Variants in FRMD5 observed in about 807,000 individuals in gnomAD.
The protein encoded by FRMD5 is FERM domain containing 5.
In FRMD5, 20 loss-of-function variants were observed where a neutral mutation model predicts 69.0. The observed-to-expected ratio is 0.29, with a 90% CI of 0.20 to 0.42. FRMD5 has a LOEUF of 0.42. Among genes scored for constraint, FRMD5 ranks in the 10% least tolerant of loss-of-function variants. The pLI is 1.00. For synonymous variants in FRMD5, 271 were observed against 260.1 expected (o/e 1.04, Z -0.40); for missense variants, 595 against 708.6 (o/e 0.84, Z 1.82).
intron 1 of FRMD5, among the ~76,000 whole-genome samples, chr15:44,075,930 T>G (rs1379107488): frequency 2.6e-5 from 4 of 152,188 alleles, no homozygotes; most frequent in African/African-American, 4.8e-5. Flanking sequence ...GATGAGCATT[T>G]TTTCATGTGT....
At chr15:44,142,194 C>T (rs1465613288) in intron 1 of FRMD5, among the ~76,000 whole-genome samples, 2 of 152,168 alleles carry the variant, frequency 1.3e-5, no homozygotes, top group Non-Finnish European at 2.9e-5. Flanking sequence ...TTAATTAATA[C>T]TGATCCACTT....
intron 1 of FRMD5, among the ~76,000 whole-genome samples, chr15:44,168,061 T>A (rs1467037639): frequency 6.6e-6 from 1 of 152,222 alleles, no homozygotes; most frequent in Non-Finnish European, 1.5e-5. Context: ...CCATTACCAA[T>A]CAATCAATAA....
At chr15:44,098,824 T>C (rs1049975142) in intron 1 of FRMD5, among the ~76,000 whole-genome samples, 9 of 152,342 alleles carry the variant, frequency 5.9e-5, no homozygotes, top group Admixed American at 4.6e-4. Context: ...TTCCAACATC[T>C]ACACACTTCA....
chr15:43,977,148 C>G (rs2090476395), intron 1 of FRMD5, among the ~76,000 whole-genome samples: 1 of 151,826 alleles, frequency 6.6e-6, no homozygotes, highest in Admixed American at 6.6e-5. Flanking sequence ...ACTAAAGTTT[C>G]TATAGGGGAG....
chr15:43,901,841 A>G, intron 7 of FRMD5: 1 of 284,148 alleles, frequency 3.5e-6, no homozygotes. Flanking sequence ...AAGGGTGGGC[A>G]GGCACTGAGC....
At chr15:44,104,424 G>A (rs764646040) in intron 1 of FRMD5, among the ~76,000 whole-genome samples, 11 of 152,108 alleles carry the variant, frequency 7.2e-5, no homozygotes, top group Non-Finnish European at 1.2e-4. Flanking sequence ...CCATAGTAGT[G>A]TACATCAATG....
At position 43,931,394 on chromosome 15, in the gene FRMD5, CTCTT is replaced by C. The variant is rs538742779; in HGVS notation, c.103-7089_103-7086del. 2.6e-4 allele frequency among the ~76,000 whole-genome samples: 39 copies of C among 152,162 alleles called. 1 individual carries two copies. Among genetic ancestry groups the C allele is most frequent in the African/African-American group, 8.9e-4 (37 of 41,492 alleles). On this transcript the variant is annotated intron_variant, in intron 1 of 13. Coordinates refer to ENST00000417257, the MANE Select transcript of FRMD5 (RefSeq NM_032892.5). ...TATTCTCTGTCTCTCTCTCTCTCTTCTCTTTCTCTCTCACACTTATACCCCCCGA... is the reference window on the plus strand; with the variant it reads ...TATTCTCTGTCTCTCTCTCTCTCTTCTCTCTCTCACACTTATACCCCCCGA...
chr15:44,096,402 T>TA (rs2076553694), intron 1 of FRMD5, among the ~76,000 whole-genome samples: 2 of 146,204 alleles, frequency 1.4e-5, no homozygotes, highest in Admixed American at 1.4e-4. Flanking sequence ...GTACGGTGTA[T>TA]CTTTTTTTTT....
chr15:44,038,154 T>C lies in FRMD5; in HGVS notation c.103-113845A>G, dbSNP rs1181512400. ...CCACTTTTTGATGGGGTTTTTTTTA[T>C]TGTAAATTTAAGTTCTTTGTAGATT... On this transcript the variant is annotated intron_variant, in intron 1 of 13. Transcript: ENST00000417257. Among the ~76,000 whole-genome samples, 6 of 152,130 alleles carry C rather than the reference T, an allele frequency of 3.9e-5. No homozygotes were observed. The East Asian group carries it at 9.6e-4, about 24-fold the overall frequency.
At chr15:43,945,190 GACCCT>G (rs2089925794) in intron 1 of FRMD5, among the ~76,000 whole-genome samples, 1 of 152,118 alleles carries the variant, frequency 6.6e-6, no homozygotes, top group Non-Finnish European at 1.5e-5. Context: ...TCCAAGGGTA[GACCCT>G]ACACTACCCT....
chr15:43,951,148 T>C lies in FRMD5; in HGVS notation c.103-26839A>G, dbSNP rs149286826. Among the ~76,000 whole-genome samples the C allele has an allele frequency of 2.7e-3, 416 of 152,184 alleles. 1 individual carries two copies. Among genetic ancestry groups the C allele is most frequent in the African/African-American group, 9.0e-3 (374 of 41,500 alleles). On this transcript the variant is annotated intron_variant, in intron 1 of 13. Transcript: ENST00000417257. ...AATATACAATAAATAGTGCCAGGCG[T>C]GGTGGCTCACACCTATAATCCCAGC...
intron 1 of FRMD5, among the ~76,000 whole-genome samples, chr15:44,017,153 A>G (rs1018055963): frequency 6.6e-6 from 1 of 152,016 alleles, no homozygotes; most frequent in African/African-American, 2.4e-5. Context: ...CCTGGCTAAC[A>G]CGGTGAAACC....
chr15:44,142,817 G>T (rs998018119), intron 1 of FRMD5, among the ~76,000 whole-genome samples: 2 of 152,182 alleles, frequency 1.3e-5, no homozygotes, highest in African/African-American at 4.8e-5. Context: ...AGGCCGGGCC[G>T]CAGTGGCTCA....
At chr15:44,094,937 T>C (rs2076529103) in intron 1 of FRMD5, among the ~76,000 whole-genome samples, 1 of 152,076 alleles carries the variant, frequency 6.6e-6, no homozygotes, top group Admixed American at 6.6e-5. Context: ...ATTATATCCA[T>C]GGATATAACA....
At chr15:43,951,421 CAAA>C (rs11375060) in intron 1 of FRMD5, among the ~76,000 whole-genome samples, 5 of 102,692 alleles carry the variant, frequency 4.9e-5, no homozygotes, top group Non-Finnish European at 6.7e-5. Context: ...GACTCCATCT[CAAA>C]AAAAAAAAAA....
chr15:43,957,986 T>G lies in FRMD5; in HGVS notation c.103-33677A>C, dbSNP rs568943485. Among the ~76,000 whole-genome samples the G allele has an allele frequency of 1.3e-4, 20 of 152,338 alleles. No individual in the cohort carries two copies. In the South Asian group the frequency reaches 3.9e-3, roughly 30 times the overall value. On this transcript the variant is annotated intron_variant, in intron 1 of 13. Coordinates refer to ENST00000417257, the MANE Select transcript of FRMD5 (RefSeq NM_032892.5). ...ACAAGGTATATATCATTAACCTATT[T>G]TGCAAATGAACAACCTGAGGCTCAG...
chr15:43,987,652 T>C (rs11070417), intron 1 of FRMD5, among the ~76,000 whole-genome samples: 137,099 of 152,026 alleles, frequency 0.9, 62,371 homozygotes, highest in East Asian at 1. Context: ...TGGGTTCAAG[T>C]GATTCTCCTG....
At chr15:43,885,084 A>C (rs1316982255) in intron 11 of FRMD5, 3 of 362,434 alleles carry the variant, frequency 8.3e-6, no homozygotes, top group Non-Finnish European at 1.5e-5. Context: ...ATCACAAAAA[A>C]ACACATAAGA....
chr15:44,037,263 T>G (rs1891960160), intron 1 of FRMD5, among the ~76,000 whole-genome samples: 1 of 152,138 alleles, frequency 6.6e-6, no homozygotes, highest in Admixed American at 6.5e-5. Context: ...CTGTGATAGT[T>G]TGCTTAGAAT....
Sources: allele counts gnomAD v4.1 joint callset (sites outside exome capture counted in the v4.1 genomes callset), GRCh38; gene constraint gnomAD v4.1.1; transcripts MANE v1.5; gene names NCBI Gene and HGNC (gene_info 2026-07-23, HGNC 2026-07-21).